Variants in PMS1 observed in about 807,000 individuals in gnomAD.
The protein encoded by PMS1 is PMS1 protein homolog 1.
PMS1 carries 79 observed loss-of-function variants against 93.1 expected under a neutral mutation model. That is an observed-to-expected ratio of 0.85 (90% confidence interval 0.71 to 1.02). PMS1 has a LOEUF of 1.02. Ranked by LOEUF, PMS1 falls within the 50% of genes least tolerant of loss-of-function variation. The pLI, the probability that PMS1 is intolerant of heterozygous loss-of-function variation, is 0.00. For synonymous variants in PMS1, 335 were observed against 363.4 expected (o/e 0.92, Z 0.89); for missense variants, 1,064 against 1,085.3 (o/e 0.98, Z 0.28).
At chr2:189,803,955 A>C (rs2050114061) in intron 3 of PMS1, among the ~76,000 whole-genome samples, 1 of 152,168 alleles carries the variant, frequency 6.6e-6, no homozygotes, top group African/African-American at 2.4e-5. Context: ...TTAGCACTTC[A>C]GTTTCTTCGT....
chr2:189,824,029 A>C (rs1433916136), intron 5 of PMS1, among the ~76,000 whole-genome samples: 1 of 152,224 alleles, frequency 6.6e-6, no homozygotes, highest in Non-Finnish European at 1.5e-5. Flanking sequence ...AAGTTTATAT[A>C]GGTCTATGTA....
Position 189,854,760 on chromosome 2 carries a change from TGAGTGGAGCAGGGGAAATATACTTAAAA to T in PMS1, c.1489_1516del (p.Glu497IlefsTer10). On this transcript the variant is annotated frameshift_variant, in exon 9 of 13. Transcript: ENST00000441310. LOFTEE classifies it high-confidence loss of function. ...AAAACTCTTCGGAAATTTCTGCAGA[TGAGTGGAGCAGGGGAAATATACTTAAAA>T]ATTCAGTGGGAGAGAATATTGAACC... The T allele has an allele frequency of 6.2e-7, 1 of 1,613,784 alleles. No homozygotes were observed. Among genetic ancestry groups the T allele is most frequent in the Non-Finnish European group, 8.5e-7 (1 of 1,179,824 alleles).
At chr2:189,834,459 AATTCTC>A (rs2106381698) in intron 5 of PMS1, among the ~76,000 whole-genome samples, 1 of 152,318 alleles carries the variant, frequency 6.6e-6, no homozygotes, top group East Asian at 1.9e-4. Context: ...AAAATAAGAT[AATTCTC>A]ATTGCAGTTG....
chr2:189,808,321 A>T (rs1265828389), intron 4 of PMS1, among the ~76,000 whole-genome samples: 1 of 151,814 alleles, frequency 6.6e-6, no homozygotes, highest in Admixed American at 6.6e-5. Context: ...TAAAAAACGT[A>T]ATTTATTATT....
intron 3 of PMS1, among the ~76,000 whole-genome samples, chr2:189,803,194 ATTACCT>A (rs1385219226): frequency 6.6e-6 from 1 of 152,182 alleles, no homozygotes; most frequent in Non-Finnish European, 1.5e-5. Flanking sequence ...CTTTATCATA[ATTACCT>A]TAAATGAATT....
At chr2:189,823,395 A>G (rs1207400600) in intron 5 of PMS1, among the ~76,000 whole-genome samples, 1 of 151,968 alleles carries the variant, frequency 6.6e-6, no homozygotes, top group Non-Finnish European at 1.5e-5. Flanking sequence ...TTACATTAGG[A>G]ATATCTCCTA....
At chr2:189,820,290 C>T (rs1195174078) in intron 5 of PMS1, among the ~76,000 whole-genome samples, 2 of 152,068 alleles carry the variant, frequency 1.3e-5, no homozygotes, top group Admixed American at 6.5e-5. Flanking sequence ...TGCTCTCTAC[C>T]ATGCTCTCTT....
chr2:189,816,518 C>T (rs1379734427), intron 4 of PMS1, among the ~76,000 whole-genome samples: 9 of 152,078 alleles, frequency 5.9e-5, no homozygotes, highest in East Asian at 1.9e-4. Flanking sequence ...CTTTTTTCTT[C>T]CTAAAATATT....
At chr2:189,789,194 A>G (rs1427497330) in intron 1 of PMS1, among the ~76,000 whole-genome samples, 11 of 152,216 alleles carry the variant, frequency 7.2e-5, no homozygotes, top group African/African-American at 2.7e-4. Context: ...ATAATACTCT[A>G]CATTTTATAA....
At chr2:189,832,552 G>A (rs556159144) in intron 5 of PMS1, among the ~76,000 whole-genome samples, 3 of 151,998 alleles carry the variant, frequency 2.0e-5, no homozygotes, top group South Asian at 4.2e-4. Flanking sequence ...TGCAACCTCC[G>A]CCTCCTGGGT....
intron 9 of PMS1, among the ~76,000 whole-genome samples, chr2:189,856,166 TTA>T (rs2055312178): frequency 6.6e-6 from 1 of 151,850 alleles, no homozygotes; most frequent in African/African-American, 2.4e-5. Flanking sequence ...TTTTTTTTTT[TTA>T]AGTGGGAATG....
chr2:189,823,783 C>G (rs903661912), intron 5 of PMS1, among the ~76,000 whole-genome samples: 3 of 151,614 alleles, frequency 2.0e-5, no homozygotes, highest in Admixed American at 1.3e-4. Flanking sequence ...TTTTTTATCA[C>G]AGGCATAAAA....
intron 4 of PMS1, chr2:189,805,989 T>C (rs2050309236): frequency 7.5e-7 from 1 of 1,341,740 alleles, no homozygotes; most frequent in Non-Finnish European, 9.9e-7. Context: ...ATGGACTAGT[T>C]ACTCCTCTGT....
chr2:189,789,337 A>T (rs889136931), intron 1 of PMS1, among the ~76,000 whole-genome samples: 1 of 152,160 alleles, frequency 6.6e-6, no homozygotes, highest in South Asian at 2.1e-4. Context: ...GATTTGCTCC[A>T]TTTTTATAGA....
chr2:189,816,646 TA>T (rs1457331749), intron 4 of PMS1, among the ~76,000 whole-genome samples: 1 of 152,206 alleles, frequency 6.6e-6, no homozygotes, highest in Non-Finnish European at 1.5e-5. Flanking sequence ...TTTGGAACTT[TA>T]AAACTACCAG....
intron 12 of PMS1, among the ~76,000 whole-genome samples, chr2:189,876,474 C>G (rs1453779169): frequency 1.3e-5 from 2 of 152,194 alleles, no homozygotes; most frequent in Non-Finnish European, 2.9e-5. Flanking sequence ...GATCTGGCCT[C>G]TGCCTAATTT....
At chr2:189,855,872 T>C in intron 9 of PMS1, 1 of 1,117,112 alleles carries the variant, frequency 9.0e-7, no homozygotes, top group African/African-American at 1.6e-5. Flanking sequence ...GGTGATCTAA[T>C]CCAGCAGAAA....
At chr2:189,825,550 G>A (rs945728491) in intron 5 of PMS1, among the ~76,000 whole-genome samples, 1 of 152,194 alleles carries the variant, frequency 6.6e-6, no homozygotes, top group African/African-American at 2.4e-5. Context: ...AATGTGAAAT[G>A]TATGATTTCA....
intron 5 of PMS1, 71 bp downstream of exon 5, chr2:189,818,251 GT>G: frequency 1.0e-6 from 1 of 992,888 alleles, no homozygotes; most frequent in Non-Finnish European, 1.6e-6. Flanking sequence ...TTATAAATCA[GT>G]TAGATATGGG....
Sources: gnomAD v4.1 joint callset for allele counts (sites outside exome capture counted in the v4.1 genomes callset) on GRCh38, gnomAD v4.1.1 for gene constraint, MANE v1.5 for transcripts, NCBI Gene and HGNC (gene_info 2026-07-23, HGNC 2026-07-21) for gene names.